The following CASP2 variants were observed in gnomAD, a reference collection of about 807,000 sequenced individuals.
The protein encoded by CASP2 is caspase-2.
In CASP2, 38 loss-of-function variants were observed where a neutral mutation model predicts 54.4. That is an observed-to-expected ratio of 0.70 (90% confidence interval 0.54 to 0.92). The LOEUF (loss-of-function observed/expected upper bound fraction) is 0.92. Ranked by LOEUF, CASP2 falls within the 40% of genes least tolerant of loss-of-function variation. CASP2 has a pLI of 0.00. For synonymous variants in CASP2, 215 were observed against 216.3 expected (o/e 0.99, Z 0.05); for missense variants, 512 against 579.6 (o/e 0.88, Z 1.20).
chr7:143,292,454 A>C lies in CASP2; in HGVS notation c.380A>C (p.His127Pro). The C allele has an allele frequency of 6.2e-7, 1 of 1,614,126 alleles. No individual in the cohort carries two copies. The highest frequency in any genetic ancestry group is 8.5e-7 in the Non-Finnish European group (1 of 1,180,028). Residue 127 changes from histidine (H) to proline (P), a missense_variant, in exon 3 of 11, where the codon CAT becomes CCT. Coordinates refer to ENST00000310447, the MANE Select transcript of CASP2 (RefSeq NM_032982.4). ...CTCACCACCCTTTCTGGGCTTCAGC[A>C]TGTACTCCCACCGGTATGAAGCTTT... is the stretch of plus-strand genomic sequence containing the variant. ...MLLTTLSGLQ[H>P]VLPPLSCDYD...
In CASP2 at chr7:143,292,613, AC is replaced by A; in HGVS notation, c.394-3del. The A allele has an allele frequency of 6.2e-7, 1 of 1,613,692 alleles. No individual in the cohort carries two copies. Among genetic ancestry groups the A allele is most frequent in the Non-Finnish European group, 8.5e-7 (1 of 1,179,744 alleles). On this transcript the variant is annotated splice_polypyrimidine_tract_variant and splice_region_variant and intron_variant, in intron 3 of 10. Coordinates refer to ENST00000310447, the MANE Select transcript of CASP2 (RefSeq NM_032982.4). ...CTGTCATCATGAGTTTTGATTTCTT[AC>A]AGTTGAGCTGTGACTACGACTTGAG...
chr7:143,292,210 G>T, intron 2 of CASP2, 90 bp from the exon 3 acceptor site: 1 of 1,319,208 alleles, frequency 7.6e-7, no homozygotes, highest in African/African-American at 1.4e-5. Flanking sequence ...AGAATTCTTG[G>T]ATGAGGACAC....
rs751755859 is a variant in CASP2, at chr7:143,299,940, G to A, written c.765G>A (p.Leu255=). The A allele has an allele frequency of 8.1e-6, 13 of 1,614,064 alleles. No homozygotes were observed. The highest frequency in any genetic ancestry group is 1.6e-4 in the Middle Eastern group (1 of 6,084). Residue 255 remains leucine (L), a synonymous_variant, in exon 7 of 11, where the codon CTG becomes CTA. Coordinates refer to ENST00000310447, the MANE Select transcript of CASP2 (RefSeq NM_032982.4). ...TCTTTTAGGAAATGCAAGAGAAACT[G>A]CAGAATTTTGCACAGTTACCTGCAC... The part of the protein sequence containing the change: ...DQTAQEMQEK[L]QNFAQLPAHR...
chr7:143,305,235 G>A lies in CASP2; in HGVS notation c.*164G>A. On this transcript the variant is annotated 3_prime_UTR_variant, in exon 11 of 11. Coordinates refer to ENST00000310447, the MANE Select transcript of CASP2 (RefSeq NM_032982.4). ...CCATCATCTCTGCCTTTGAGTGTGGGACTCCAGGCCAGCTCCTTTTCTGTG... is the reference window on the plus strand; with the variant it reads ...CCATCATCTCTGCCTTTGAGTGTGGAACTCCAGGCCAGCTCCTTTTCTGTG... The A allele has an allele frequency of 3.4e-6, 3 of 878,348 alleles. No individual in the cohort carries two copies. Among genetic ancestry groups the A allele is most frequent in the African/African-American group, 3.3e-5 (2 of 60,316 alleles). The allele number at this position is 878,348 out of a possible 1,614,324, so 54.4% of individuals were successfully genotyped here. A position where few individuals can be genotyped will look rare whatever the true frequency, so the allele number is the denominator to read the frequency against.
rs1055837252 is a variant in CASP2 at position 143,299,774 on chromosome 7, C to G, written c.748-149C>G. On this transcript the variant is annotated intron_variant, in intron 6 of 10. Coordinates refer to ENST00000310447, the MANE Select transcript of CASP2 (RefSeq NM_032982.4). ...GAGTCCATAGCTTTCTTTAGTCTCT[C>G]AAAAGGTCTCTTCTTTTATCATTGA... 4.8e-6 allele frequency: 4 copies of G among 825,092 alleles called. No individual in the cohort carries two copies. In the African/African-American group the frequency reaches 6.8e-5, roughly 14 times the overall value. The allele number at this position is 825,092 out of a possible 1,614,324, so 51.1% of individuals were successfully genotyped here.
At position 143,305,199 on chromosome 7, in the gene CASP2, G is replaced by C; in HGVS notation, c.*128G>C. ...AGGGATGTGGGAATCTCCCAGACTTGTTTCCTGTGCCCATCATCTCTGCCT... is the reference window on the plus strand; with the variant it reads ...AGGGATGTGGGAATCTCCCAGACTTCTTTCCTGTGCCCATCATCTCTGCCT... On this transcript the variant is annotated 3_prime_UTR_variant, in exon 11 of 11. Transcript: ENST00000310447. 1.6e-6 allele frequency: 2 copies of C among 1,221,742 alleles called. No homozygotes were observed. The highest frequency in any genetic ancestry group is 3.0e-5 in the African/African-American group (2 of 66,584). The allele number at this position is 1,221,742 out of a possible 1,614,324, so 75.7% of individuals were successfully genotyped here. A position where few individuals can be genotyped will look rare whatever the true frequency, so the allele number is the denominator to read the frequency against.
chr7:143,292,909 G>A (rs1216487854), intron 4 of CASP2, among the ~76,000 whole-genome samples: 1 of 152,118 alleles, frequency 6.6e-6, no homozygotes, highest in Non-Finnish European at 1.5e-5. Flanking sequence ...TACTCGGGAA[G>A]CTGGGGCAGG....
At position 143,304,681 on chromosome 7, in the gene CASP2, C is replaced by G. The variant is rs1396682002; in HGVS notation, c.1125C>G (p.Ala375=). 2 of 1,613,540 alleles carry G rather than the reference C, an allele frequency of 1.2e-6. No individual in the cohort carries two copies. Among genetic ancestry groups the G allele is most frequent in the Non-Finnish European group, 8.5e-7 (1 of 1,179,514 alleles). ...ATGCCCTTTTGGTTGCAGGGACTGC[C>G]GCCATGCGGAACACCAAACGAGGTT... ...ICGYACLKGT[A]AMRNTKRGSW... The change falls in exon 10 of 11, where the codon GCC becomes GCG. Residue 375 remains alanine, a synonymous_variant. Transcript: ENST00000310447.
rs559651492 is a variant in CASP2 at position 143,288,673 on chromosome 7, G to T, written c.74+144G>T. Reference sequence around the variant, plus strand: ...GCTTCCTGCCAAGGGTGGGACGCCCGCCCGAGCCGCTCCGAGCCTGACTCC... The same window carrying T: ...GCTTCCTGCCAAGGGTGGGACGCCCTCCCGAGCCGCTCCGAGCCTGACTCC... On this transcript the variant is annotated intron_variant, in intron 1 of 10. Coordinates refer to ENST00000310447, the MANE Select transcript of CASP2 (RefSeq NM_032982.4). The T allele has an allele frequency of 7.8e-4, 590 of 759,046 alleles. 6 individuals carry two copies. In the African/African-American group the frequency reaches 9.2e-3, roughly 12 times the overall value. The allele number at this position is 759,046 out of a possible 1,614,324, so 47.0% of individuals were successfully genotyped here.
At position 143,300,257 on chromosome 7, in the gene CASP2, C is replaced by A. The variant is rs1476126866; in HGVS notation, c.930C>A (p.Asn310Lys). 1 of 1,614,198 alleles carries A rather than the reference C, an allele frequency of 6.2e-7. No individual in the cohort carries two copies. The highest frequency in any genetic ancestry group is 1.7e-5 in the Admixed American group (1 of 60,034). ...FDNANCPSLQ[N>K]KPKMFFIQAC... ...ACGCCAACTGCCCAAGCCTACAGAA[C>A]AAACCAAAAATGTTCTTCATCCAGG... The change falls in exon 8 of 11, where the codon AAC (asparagine) becomes AAA (lysine). Residue 310 changes from asparagine (N) to lysine (K), a missense_variant. By Grantham distance (94) the Asn-to-Lys change is moderately conservative. Around this residue, in one of 3 missense-constraint regions of CASP2, gnomAD observed 417 missense variants for 495.4 expected, o/e 0.84. Transcript: ENST00000310447.
At chr7:143,289,690 G>T in intron 1 of CASP2, 1 of 747,470 alleles carries the variant, frequency 1.3e-6, no homozygotes, top group Non-Finnish European at 1.6e-6. Context: ...ATATGTGATC[G>T]TTATTACTGC....
At chr7:143,302,899 A>T (rs1801956649) in intron 8 of CASP2, 2 of 152,320 alleles carry the variant, frequency 1.3e-5, no homozygotes, top group Admixed American at 6.5e-5. Flanking sequence ...CTAAAATTGA[A>T]TAAGGATGAT....
intron 6 of CASP2, among the ~76,000 whole-genome samples, chr7:143,295,073 G>A (rs2116777723): frequency 6.6e-6 from 1 of 151,692 alleles, no homozygotes; most frequent in South Asian, 2.1e-4. Context: ...TGTCACCCAG[G>A]CTGGAGTGCA....
In CASP2 at chr7:143,288,577, G is replaced by A. The variant is rs1009683675; in HGVS notation, c.74+48G>A. 3.3e-6 allele frequency: 5 copies of A among 1,534,818 alleles called. No individual in the cohort carries two copies. In the East Asian group the frequency reaches 1.1e-4, roughly 35 times the overall value. ...GCTCCTTAGGGGAGCCCAGGGAAGG[G>A]GAGCGTGGCCCCCAGGCGTGCGGCC... On this transcript the variant is annotated intron_variant, in intron 1 of 10. Coordinates refer to ENST00000310447, the MANE Select transcript of CASP2 (RefSeq NM_032982.4).
intron 8 of CASP2, chr7:143,300,997 A>G (rs1389341842): frequency 1.2e-6 from 1 of 862,876 alleles, no homozygotes; most frequent in Non-Finnish European, 1.4e-6. Flanking sequence ...TTCTGACTTC[A>G]CCATTTACTA....
At chr7:143,303,667 C>A in intron 8 of CASP2, 117 bp from the exon 9 acceptor site, 1 of 805,740 alleles carries the variant, frequency 1.2e-6, no homozygotes, top group Admixed American at 2.1e-5. Flanking sequence ...TTGGAGGCAA[C>A]AGCTGGAAAT....
At position 143,299,843 on chromosome 7, in the gene CASP2, G is replaced by A. The variant is rs558496988; in HGVS notation, c.748-80G>A. ...AGCGTTTTATCTTCTAATAGCTTAG[G>A]GTTTCAAAAAGAAACCAAACTTTGA... is the stretch of plus-strand genomic sequence containing the variant. On this transcript the variant is annotated intron_variant, in intron 6 of 10. Transcript: ENST00000310447. The A allele has an allele frequency of 3.8e-4, 578 of 1,504,424 alleles. 1 individual carries two copies. Among genetic ancestry groups the A allele is most frequent in the Middle Eastern group, 1.5e-3 (9 of 5,870 alleles). The allele number at this position is 1,504,424 out of a possible 1,614,324, so 93.2% of individuals were successfully genotyped here.
Position 143,305,503 on chromosome 7 carries a change from G to T in CASP2, c.*432G>T, listed in dbSNP as rs574473144. ...ATCTTTTATTTCATTCATATCCTCC[G>T]CCCTTTTTGTCCTAGAGTGAGAGTT... On this transcript the variant is annotated 3_prime_UTR_variant, in exon 11 of 11. Transcript: ENST00000310447. The T allele has an allele frequency of 6.6e-6, 2 of 304,862 alleles. No homozygotes were observed. Among genetic ancestry groups the T allele is most frequent in the Non-Finnish European group, 6.4e-6 (1 of 155,268 alleles). 18.9% of individuals were successfully genotyped at this position (304,862 alleles called of 1,614,324 possible).
intron 4 of CASP2, 91 bp from the exon 5 acceptor site, chr7:143,294,139 C>A: frequency 1.3e-6 from 1 of 798,174 alleles, no homozygotes; most frequent in Non-Finnish European, 2.2e-6. Context: ...TATCACAACC[C>A]AGTTGCAAGA....
Sources: allele counts gnomAD v4.1 joint callset (sites outside exome capture counted in the v4.1 genomes callset), GRCh38; gene constraint gnomAD v4.1.1; regional missense constraint gnomAD v4.1.1; transcripts MANE v1.5; gene names NCBI Gene and HGNC (gene_info 2026-07-23, HGNC 2026-07-21).